TMEM132B: variants seen among roughly 807,000 people sequenced by gnomAD.
The protein encoded by TMEM132B is transmembrane protein 132B.
A neutral mutation model predicts 90.8 loss-of-function variants in TMEM132B; 18 were observed. The ratio of observed to expected loss-of-function variants is 0.20; its 90% CI spans 0.14 to 0.29. TMEM132B has a LOEUF of 0.29. Among genes scored for constraint, TMEM132B ranks in the 10% least tolerant of loss-of-function variants. TMEM132B has a pLI of 1.00. For synonymous variants in TMEM132B, 504 were observed against 523.3 expected (o/e 0.96, Z 0.50); for missense variants, 1,096 against 1,326.8 (o/e 0.83, Z 2.70).
At chr12:125,585,586 G>A (rs1423487357) in intron 5 of TMEM132B, 1 of 152,138 alleles carries the variant, frequency 6.6e-6, no homozygotes, top group Non-Finnish European at 1.5e-5. Context: ...TCTGACCTAA[G>A]AGCCTGCTAT....
Position 125,257,950 on chromosome 12 carries a change from A to C in TMEM132B, c.67+71084A>C, listed in dbSNP as rs200468069. Among the ~76,000 whole-genome samples the C allele has an allele frequency of 7.9e-5, 12 of 152,332 alleles. 1 individual carries two copies. The East Asian group carries it at 2.1e-3, about 27-fold the overall frequency. On this transcript the variant is annotated intron_variant, in intron 1 of 8. Transcript: ENST00000682704. The stretch of plus-strand genomic sequence containing the variant: ...TGATTTTGAACTTCTGGCTTCCAGA[A>C]CAAAGAGAGTAAATGTGTATTGTCT...
chr12:125,313,766 G>C (rs1876181999), intron 1 of TMEM132B, among the ~76,000 whole-genome samples: 1 of 140,678 alleles, frequency 7.1e-6, no homozygotes. Context: ...ACGGACATGG[G>C]ACTGGAGCAG....
At chr12:125,511,516 A>G (rs374034187) in intron 3 of TMEM132B, among the ~76,000 whole-genome samples, 4 of 151,726 alleles carry the variant, frequency 2.6e-5, no homozygotes, top group South Asian at 4.2e-4. Context: ...TTGGTAGAAG[A>G]GATAACTGCA....
intron 1 of TMEM132B, among the ~76,000 whole-genome samples, chr12:125,188,692 C>T (rs1483847021): frequency 6.6e-6 from 1 of 151,914 alleles, no homozygotes; most frequent in East Asian, 1.9e-4. Flanking sequence ...GGGAGAGTCT[C>T]AGCAGGGCAG....
intron 4 of TMEM132B, among the ~76,000 whole-genome samples, chr12:125,529,690 G>C (rs745460347): frequency 5.3e-5 from 8 of 152,222 alleles, no homozygotes; most frequent in Non-Finnish European, 8.8e-5. Context: ...GCTTTGGGAA[G>C]CCATAAGTAG....
chr12:125,432,244 A>G (rs528649625), intron 3 of TMEM132B, among the ~76,000 whole-genome samples: 2 of 151,442 alleles, frequency 1.3e-5, no homozygotes, highest in East Asian at 1.9e-4. Context: ...AGTCAGGTGC[A>G]TCTATCGTTT....
At chr12:125,399,471 GTGTGTGTGTGTA>G (rs57177967) in intron 2 of TMEM132B, among the ~76,000 whole-genome samples, 22,970 of 110,980 alleles carry the variant, frequency 0.21, 2,268 homozygotes, top group East Asian at 0.5. Context: ...GTGTGTGTGT[GTGTGTGTGTGTA>G]TGTGTGTGTG....
At chr12:125,258,231 A>G (rs1874484031) in intron 1 of TMEM132B, among the ~76,000 whole-genome samples, 1 of 152,238 alleles carries the variant, frequency 6.6e-6, no homozygotes, top group Non-Finnish European at 1.5e-5. Flanking sequence ...CTATTGCTGC[A>G]TAAGAAATTA....
intron 1 of TMEM132B, among the ~76,000 whole-genome samples, chr12:125,317,920 C>T (rs1332896691): frequency 6.6e-6 from 1 of 152,164 alleles, no homozygotes; most frequent in Non-Finnish European, 1.5e-5. Context: ...TTTCTTAAAA[C>T]ATTGTATGTA....
At chr12:125,430,334 G>C (rs1880462108) in intron 3 of TMEM132B, among the ~76,000 whole-genome samples, 1 of 152,160 alleles carries the variant, frequency 6.6e-6, no homozygotes, top group Non-Finnish European at 1.5e-5. Context: ...TTTCACGGTA[G>C]CTCATGTAGA....
Position 125,498,818 on chromosome 12 carries a change from G to T in TMEM132B, c.1107-20621G>T, listed in dbSNP as rs1882622578. Among the ~76,000 whole-genome samples, 1 of 152,252 alleles carries T rather than the reference G, an allele frequency of 6.6e-6. No homozygotes were observed. The highest frequency in any genetic ancestry group is 2.4e-5 in the African/African-American group (1 of 41,470). ...TGACTTCCTAAGAGCTTCTGGCACA[G>T]TCTTCCATTGCTTTCATTTCTAGTA... On this transcript the variant is annotated intron_variant, in intron 3 of 8. Coordinates refer to ENST00000682704, the MANE Select transcript of TMEM132B (RefSeq NM_001366854.1). This position sits in a 1 kb window ranked among gnomAD's most constrained non-coding sequence, Gnocchi z 4.5.
chr12:125,466,693 G>A (rs1012970415), intron 3 of TMEM132B, among the ~76,000 whole-genome samples: 3 of 152,228 alleles, frequency 2.0e-5, no homozygotes, highest in Non-Finnish European at 2.9e-5. Context: ...GAGCAATGGA[G>A]GGCTCTTATC....
intron 2 of TMEM132B, among the ~76,000 whole-genome samples, chr12:125,405,320 C>G (rs1028486198): frequency 1.3e-5 from 2 of 152,208 alleles, no homozygotes; most frequent in African/African-American, 4.8e-5. Context: ...GGTTCCCTGT[C>G]TGTCTCTTAT....
At position 125,613,146 on chromosome 12, in the gene TMEM132B, TATATATC is replaced by T. The variant is rs1885898082; in HGVS notation, c.1437+29159_1437+29165del. Among the ~76,000 whole-genome samples the T allele has an allele frequency of 6.6e-5, 8 of 120,862 alleles. 1 individual carries two copies. Among genetic ancestry groups the T allele is most frequent in the African/African-American group, 2.2e-4 (7 of 31,294 alleles). The allele number at this position is 120,862 out of a possible 152,430, so 79.3% of individuals were successfully genotyped here. A position where few individuals can be genotyped will look rare whatever the true frequency, so the allele number is the denominator to read the frequency against. ...TATATATTTATATATTATATATAAA[TATATATC>T]ATATATATTTATATATTATATATAA... On this transcript the variant is annotated intron_variant, in intron 5 of 8. Coordinates refer to ENST00000682704, the MANE Select transcript of TMEM132B (RefSeq NM_001366854.1).
rs140335110 is a variant in TMEM132B, at chr12:125,420,908, T to C, written c.1106+5231T>C. Among the ~76,000 whole-genome samples, 342 of 152,332 alleles carry C rather than the reference T, an allele frequency of 2.2e-3. 2 individuals carry two copies. Among genetic ancestry groups the C allele is most frequent in the African/African-American group, 7.6e-3 (317 of 41,566 alleles). Reference sequence around the variant, plus strand: ...TGCCAGATACCCTAAATAATCTCTCTCAGATTCAAAGTTCCACAAATCTCT... The same window carrying C: ...TGCCAGATACCCTAAATAATCTCTCCCAGATTCAAAGTTCCACAAATCTCT... On this transcript the variant is annotated intron_variant, in intron 3 of 8. Transcript: ENST00000682704.
chr12:125,413,752 A>G (rs1879926299), intron 2 of TMEM132B, among the ~76,000 whole-genome samples: 1 of 152,190 alleles, frequency 6.6e-6, no homozygotes, highest in Non-Finnish European at 1.5e-5. Context: ...ATAGATGGGC[A>G]TTTGAGTTCT....
chr12:125,219,535 C>T (rs561049569), intron 1 of TMEM132B, among the ~76,000 whole-genome samples: 15 of 152,260 alleles, frequency 9.9e-5, no homozygotes, highest in Middle Eastern at 3.4e-3. Flanking sequence ...AGAGCTGGAT[C>T]GGGGGTCCTC....
chr12:125,334,584 G>T (rs1008237766), intron 1 of TMEM132B, among the ~76,000 whole-genome samples: 6 of 152,196 alleles, frequency 3.9e-5, no homozygotes, highest in Non-Finnish European at 8.8e-5. Context: ...TGGTTTGAAT[G>T]GGCAGCCTGG....
At chr12:125,430,976 G>A (rs1386122961) in intron 3 of TMEM132B, among the ~76,000 whole-genome samples, 1 of 152,106 alleles carries the variant, frequency 6.6e-6, no homozygotes, top group African/African-American at 2.4e-5. Flanking sequence ...TCTCCCCAGA[G>A]TCCCTGAGGT....
Sources: allele counts gnomAD v4.1 joint callset (sites outside exome capture counted in the v4.1 genomes callset), GRCh38; gene constraint gnomAD v4.1.1; non-coding constraint Gnocchi (gnomAD v3.1); transcripts MANE v1.5; gene names NCBI Gene and HGNC (gene_info 2026-07-23, HGNC 2026-07-21).